Variants in ZBTB38 observed in about 807,000 individuals in gnomAD.
The protein encoded by ZBTB38 is zinc finger and BTB domain-containing protein 38.
A neutral mutation model predicts 76.8 loss-of-function variants in ZBTB38; 20 were observed. That is an observed-to-expected ratio of 0.26 (90% CI 0.18 to 0.38). The LOEUF is 0.38. Among genes scored for constraint, ZBTB38 ranks in the 10% least tolerant of loss-of-function variants. ZBTB38 has a pLI of 1.00. For missense variants in ZBTB38, 1,082 were observed against 1,482.3 expected, an observed-to-expected ratio of 0.73 and a Z score of 4.43; for synonymous variants, 504 against 544.2, an observed-to-expected ratio of 0.93 and a Z score of 1.03.
chr3:141,434,049 T>G (rs534557548), intron 5 of ZBTB38: 55 of 261,554 alleles, frequency 2.1e-4, no homozygotes, highest in Non-Finnish European at 3.2e-4. Flanking sequence ...CGGATTGTCA[T>G]GCCTACAGGT....
At chr3:141,404,337 A>G (rs1279573342) in intron 5 of ZBTB38, among the ~76,000 whole-genome samples, 1 of 152,174 alleles carries the variant, frequency 6.6e-6, no homozygotes, top group Non-Finnish European at 1.5e-5. Flanking sequence ...GGATGCACTG[A>G]CATTGCTGAG....
At chr3:141,373,262 A>T (rs1944897009) in intron 2 of ZBTB38, among the ~76,000 whole-genome samples, 1 of 152,206 alleles carries the variant, frequency 6.6e-6, no homozygotes, top group Non-Finnish European at 1.5e-5. Context: ...TTAATTTTGT[A>T]TTTTGTTATT....
intron 1 of ZBTB38, among the ~76,000 whole-genome samples, chr3:141,326,463 G>A (rs1173847771): frequency 6.6e-6 from 1 of 152,062 alleles, no homozygotes; most frequent in Non-Finnish European, 1.5e-5. Context: ...AAAAGCAGGG[G>A]GGTTAAGGTT....
chr3:141,385,187 C>T (rs1360258329), intron 3 of ZBTB38, among the ~76,000 whole-genome samples: 2 of 152,096 alleles, frequency 1.3e-5, no homozygotes, highest in African/African-American at 4.8e-5. Context: ...TTCATTTTTG[C>T]AAGCGTTAAA....
chr3:141,410,094 T>C (rs1294558593), intron 5 of ZBTB38, among the ~76,000 whole-genome samples: 1 of 152,176 alleles, frequency 6.6e-6, no homozygotes, highest in Non-Finnish European at 1.5e-5. Context: ...TAGTACTTTA[T>C]TTTCTTTTGA....
chr3:141,335,247 C>G (rs564138646), intron 1 of ZBTB38, among the ~76,000 whole-genome samples: 2 of 152,298 alleles, frequency 1.3e-5, no homozygotes, highest in Non-Finnish European at 2.9e-5. Flanking sequence ...AGATTTGTTG[C>G]GAGCACTAAA....
chr3:141,395,396 G>A (rs1950125021), intron 4 of ZBTB38, among the ~76,000 whole-genome samples: 1 of 152,128 alleles, frequency 6.6e-6, no homozygotes, highest in South Asian at 2.1e-4. Flanking sequence ...GTTTGGTGAT[G>A]TGGAACTTTA....
At chr3:141,359,130 G>A (rs138842361) in intron 1 of ZBTB38, among the ~76,000 whole-genome samples, 1 of 152,294 alleles carries the variant, frequency 6.6e-6, no homozygotes, top group African/African-American at 2.4e-5. Flanking sequence ...TCTCGAGTTG[G>A]CCCAGGACTT....
intron 2 of ZBTB38, among the ~76,000 whole-genome samples, chr3:141,375,844 C>T (rs1452811164): frequency 6.6e-6 from 1 of 152,156 alleles, no homozygotes; most frequent in Non-Finnish European, 1.5e-5. Context: ...TGCCCCAAGC[C>T]GTGCCTGCCT....
At position 141,443,044 on chromosome 3, in the gene ZBTB38, C is replaced by T; in HGVS notation, c.656C>T (p.Ala219Val). Residue 219 changes from alanine to valine, a missense_variant, in exon 6 of 6, where the codon GCC (alanine) becomes GTC (valine). By Grantham distance (64) the Ala-to-Val change is moderately conservative. Coordinates refer to ENST00000321464, the MANE Select transcript of ZBTB38 (RefSeq NM_001376113.1). The surrounding 1 kb of genome is among the most constrained non-coding windows in gnomAD (Gnocchi z 5.6). ...GAGGCAGAGCCTGTCCGCACACTTG[C>T]CGAGCACTCATACGCTGTTTCTTCC... ...CHEAEPVRTLAEHSYAVSSVA... is the reference protein window; with the variant it reads ...CHEAEPVRTLVEHSYAVSSVA... 1 of 1,614,238 alleles carries T rather than the reference C, an allele frequency of 6.2e-7. No homozygotes were observed. Among genetic ancestry groups the T allele is most frequent in the South Asian group, 1.1e-5 (1 of 91,084 alleles).
At chr3:141,439,597 A>G (rs918484190) in intron 5 of ZBTB38, among the ~76,000 whole-genome samples, 3 of 152,182 alleles carry the variant, frequency 2.0e-5, no homozygotes, top group South Asian at 2.1e-4. Context: ...AGGACACCCT[A>G]GAGTGTTCAT....
At chr3:141,336,186 G>A (rs1017729920) in intron 1 of ZBTB38, among the ~76,000 whole-genome samples, 6 of 152,094 alleles carry the variant, frequency 3.9e-5, no homozygotes, top group Non-Finnish European at 4.4e-5. Flanking sequence ...ACTGCTGGTC[G>A]ATGGGACGTT....
intron 1 of ZBTB38, among the ~76,000 whole-genome samples, chr3:141,362,922 G>A (rs1424944661): frequency 2.0e-5 from 3 of 151,948 alleles, no homozygotes; most frequent in Non-Finnish European, 4.4e-5. Flanking sequence ...TGTAGGTCAT[G>A]GTCTGAATAG....
chr3:141,339,846 G>A (rs931423681), intron 1 of ZBTB38, among the ~76,000 whole-genome samples: 22 of 152,168 alleles, frequency 1.4e-4, no homozygotes, highest in African/African-American at 5.3e-4. Context: ...AAAGAGTCCG[G>A]GCTAGAGATA....
chr3:141,363,229 A>G (rs912435059), intron 1 of ZBTB38, among the ~76,000 whole-genome samples: 1 of 152,202 alleles, frequency 6.6e-6, no homozygotes, highest in African/African-American at 2.4e-5. Context: ...ACAACAAAAC[A>G]TTGCTGAAAT....
chr3:141,358,700 G>A lies in ZBTB38; in HGVS notation c.-738-9921G>A, dbSNP rs1212833179. Among the ~76,000 whole-genome samples the A allele has an allele frequency of 2.0e-5, 3 of 152,210 alleles. No individual in the cohort carries two copies. The East Asian group carries it at 5.8e-4, about 29-fold the overall frequency. ...TTTCATCACTTCAAAAAGAAACCTT[G>A]TACCCTTTGGCTGTCACCTCCCTAA... On this transcript the variant is annotated intron_variant, in intron 1 of 7. Coordinates refer to the ZBTB38 transcript ENST00000509842.
intron 1 of ZBTB38, among the ~76,000 whole-genome samples, chr3:141,329,540 G>A (rs879607821): frequency 3.9e-5 from 6 of 152,086 alleles, no homozygotes; most frequent in Admixed American, 6.6e-5. Flanking sequence ...AACAATCAAC[G>A]TATATAAGCA....
At chr3:141,424,906 T>A (rs562223506) in intron 5 of ZBTB38, among the ~76,000 whole-genome samples, 1 of 152,214 alleles carries the variant, frequency 6.6e-6, no homozygotes, top group African/African-American at 2.4e-5. Flanking sequence ...GTAATAGTAA[T>A]AATAATAATA....
chr3:141,373,780 G>A (rs970701064), intron 2 of ZBTB38, among the ~76,000 whole-genome samples: 8 of 152,192 alleles, frequency 5.3e-5, no homozygotes, highest in Non-Finnish European at 1.0e-4. Flanking sequence ...GTCAGAATAA[G>A]TAGGTGATAT....
Sources: allele counts gnomAD v4.1 joint callset (sites outside exome capture counted in the v4.1 genomes callset), GRCh38; gene constraint gnomAD v4.1.1; non-coding constraint Gnocchi (gnomAD v3.1); transcripts MANE v1.5; gene names NCBI Gene and HGNC (gene_info 2026-07-23, HGNC 2026-07-21).